The following CFAP54 variants were observed in gnomAD, a reference collection of about 807,000 sequenced individuals.
The protein encoded by CFAP54 is cilia- and flagella-associated protein 54.
A neutral mutation model predicts 370.4 loss-of-function variants in CFAP54; 290 were observed. The ratio of observed to expected loss-of-function variants is 0.78; its 90% CI spans 0.71 to 0.86. CFAP54 has a LOEUF of 0.86. CFAP54 is among the 40% of genes least tolerant of loss of function. CFAP54 has a pLI of 0.00. For missense variants in CFAP54, 3,399 were observed against 3,528.7 expected (o/e 0.96, Z 0.93); for synonymous variants, 1,206 against 1,236.5 (o/e 0.98, Z 0.52).
Position 96,811,113 on chromosome 12 carries a change from T to C in CFAP54, c.8851-623T>C, listed in dbSNP as rs535832979. The stretch of plus-strand genomic sequence containing the variant: ...GACAATAGCTTTCTTATATCTGAAA[T>C]GAAGGAATTAGACCAGATTATCTCT... On this transcript the variant is annotated intron_variant, in intron 63 of 67. Transcript: ENST00000524981. Among the ~76,000 whole-genome samples, 4 of 152,300 alleles carry C rather than the reference T, an allele frequency of 2.6e-5. No homozygotes were observed. The East Asian group carries it at 7.7e-4, about 29-fold the overall frequency.
chr12:96,665,210 A>C (rs1957065735), intron 39 of CFAP54, among the ~76,000 whole-genome samples: 1 of 151,394 alleles, frequency 6.6e-6, no homozygotes, highest in Non-Finnish European at 1.5e-5. Context: ...TAGATGCTGG[A>C]TATTAGACCT....
intron 66 of CFAP54, among the ~76,000 whole-genome samples, chr12:96,833,860 TTATTTTAAATAATTTAA>T (rs1959178189): frequency 1.3e-5 from 2 of 152,114 alleles, no homozygotes; most frequent in African/African-American, 4.8e-5. Flanking sequence ...TGTGCAGACA[TTATTTTAAATAATTTAA>T]TATTTTAAAT....
At chr12:96,659,206 A>G (rs1053264441) in intron 38 of CFAP54, among the ~76,000 whole-genome samples, 8 of 152,072 alleles carry the variant, frequency 5.3e-5, no homozygotes, top group Admixed American at 2.0e-4. Flanking sequence ...CCAATTTCCA[A>G]TGTTGATCTC....
chr12:96,693,605 A>G, intron 44 of CFAP54, 117 bp from the exon 45 acceptor site: 1 of 612,600 alleles, frequency 1.6e-6, no homozygotes, highest in East Asian at 2.9e-5. Flanking sequence ...GTTTCCTAGC[A>G]TGGAAAGCAA....
chr12:96,564,116 C>A (rs1370227711), intron 17 of CFAP54, among the ~76,000 whole-genome samples: 6 of 152,108 alleles, frequency 3.9e-5, no homozygotes, highest in African/African-American at 1.4e-4. Context: ...AGTTTGACAG[C>A]TTATTGGTAT....
At chr12:96,573,202 T>C (rs1037245507) in intron 19 of CFAP54, among the ~76,000 whole-genome samples, 11 of 152,222 alleles carry the variant, frequency 7.2e-5, no homozygotes, top group African/African-American at 2.7e-4. Context: ...TGCATAATTT[T>C]TCCTTAGGCT....
chr12:96,544,518 A>T (rs1331367397), intron 14 of CFAP54, among the ~76,000 whole-genome samples: 2 of 151,582 alleles, frequency 1.3e-5, no homozygotes, highest in African/African-American at 4.9e-5. Context: ...AATATACTCT[A>T]ATCTTCTCCT....
At chr12:96,875,014 G>A (rs1372109686) in intron 67 of CFAP54, 104 bp from the exon 68 acceptor site, 1 of 152,108 alleles carries the variant, frequency 6.6e-6, no homozygotes, top group Non-Finnish European at 1.5e-5. Flanking sequence ...ACTAGCGCAG[G>A]AGCATAATTT....
chr12:96,819,106 C>A (rs1288185006), intron 65 of CFAP54, among the ~76,000 whole-genome samples: 1 of 152,238 alleles, frequency 6.6e-6, no homozygotes, highest in Non-Finnish European at 1.5e-5. Flanking sequence ...AACCACTTTC[C>A]ACTTTTAGCT....
At chr12:96,507,715 T>TAATATATTTTTAAAA (rs1955123153) in intron 4 of CFAP54, among the ~76,000 whole-genome samples, 2 of 152,196 alleles carry the variant, frequency 1.3e-5, no homozygotes, top group Non-Finnish European at 2.9e-5. Context: ...GTGTGTTCGA[T>TAATATATTTTTAAAA]GTGCATAAGA....
chr12:96,850,838 C>G (rs999678833), intron 66 of CFAP54, among the ~76,000 whole-genome samples: 1 of 152,110 alleles, frequency 6.6e-6, no homozygotes, highest in Non-Finnish European at 1.5e-5. Flanking sequence ...ACTTATCGAG[C>G]AATCAGATCT....
At chr12:96,771,622 G>A (rs56106439) in intron 60 of CFAP54, among the ~76,000 whole-genome samples, 48,230 of 151,906 alleles carry the variant, frequency 0.32, 8,028 homozygotes, top group South Asian at 0.44. Flanking sequence ...ACTGCACTCC[G>A]GCCTGGGCAA....
At chr12:96,692,311 T>C (rs771705619) in intron 44 of CFAP54, among the ~76,000 whole-genome samples, 1 of 152,174 alleles carries the variant, frequency 6.6e-6, no homozygotes, top group Non-Finnish European at 1.5e-5. Flanking sequence ...CATTTCTGGG[T>C]TGAAGAAATA....
At chr12:96,533,738 A>G in intron 9 of CFAP54, 54 bp from the exon 10 acceptor site, 1 of 1,288,524 alleles carries the variant, frequency 7.8e-7, no homozygotes, top group Non-Finnish European at 1.0e-6. Flanking sequence ...GTGAATATTT[A>G]ATAAATATTT....
intron 14 of CFAP54, among the ~76,000 whole-genome samples, chr12:96,542,279 C>G (rs554760245): frequency 6.6e-4 from 101 of 152,248 alleles, no homozygotes; most frequent in Non-Finnish European, 1.2e-3. Context: ...GTTAAAAATG[C>G]AAGGCCCAAG....
In CFAP54 at chr12:96,648,120, A is replaced by G. The variant is rs1360692004; in HGVS notation, c.4690+103A>G. ...TGTGGACACACAAATGTATACACCCAGTTTTCCAAAGGACCAGCAATTTAG... is the reference window on the plus strand; with the variant it reads ...TGTGGACACACAAATGTATACACCCGGTTTTCCAAAGGACCAGCAATTTAG... On this transcript the variant is annotated intron_variant, in intron 34 of 67. Coordinates refer to ENST00000524981, the MANE Select transcript of CFAP54 (RefSeq NM_001306084.2). 3 of 777,948 alleles carry G rather than the reference A, an allele frequency of 3.9e-6. No individual in the cohort carries two copies. The East Asian group carries it at 1.0e-4, about 26-fold the overall frequency. 48.2% of individuals were successfully genotyped at this position (777,948 alleles called of 1,614,324 possible).
At chr12:96,612,318 C>A (rs576834185) in intron 26 of CFAP54, among the ~76,000 whole-genome samples, 1 of 152,240 alleles carries the variant, frequency 6.6e-6, no homozygotes, top group African/African-American at 2.4e-5. Context: ...AAATAAAATC[C>A]TTTACAGACA....
At position 96,794,605 on chromosome 12, in the gene CFAP54, A is replaced by G. The variant is rs552454802; in HGVS notation, c.8850+2106A>G. Among the ~76,000 whole-genome samples the G allele has an allele frequency of 4.6e-5, 7 of 151,924 alleles. 1 individual carries two copies. The highest frequency in any genetic ancestry group is 1.7e-4 in the African/African-American group (7 of 41,476). On this transcript the variant is annotated intron_variant, in intron 63 of 67. Coordinates refer to ENST00000524981, the MANE Select transcript of CFAP54 (RefSeq NM_001306084.2). The stretch of plus-strand genomic sequence containing the variant: ...CAGGCTTTGTCATTGTTTTTTATTT[A>G]TGCTGTCTATTTCTCTGAAGATTTT...
chr12:96,861,709 G>T (rs555072594), intron 67 of CFAP54, among the ~76,000 whole-genome samples: 2 of 152,280 alleles, frequency 1.3e-5, no homozygotes, highest in African/African-American at 2.4e-5. Flanking sequence ...GGGGATGTTG[G>T]TATCTATCTC....
Sources: gnomAD v4.1 joint callset for allele counts (sites outside exome capture counted in the v4.1 genomes callset) on GRCh38, gnomAD v4.1.1 for gene constraint, MANE v1.5 for transcripts, NCBI Gene and HGNC (gene_info 2026-07-23, HGNC 2026-07-21) for gene names.